Variants in FCHSD2 observed in about 807,000 individuals in gnomAD.
The protein encoded by FCHSD2 is F-BAR and double SH3 domains protein 2.
Under a neutral mutation model 108.1 loss-of-function variants are expected in FCHSD2, and 38 were observed. The ratio of observed to expected loss-of-function variants is 0.35; its 90% CI spans 0.27 to 0.46. The LOEUF (loss-of-function observed/expected upper bound fraction) is 0.46. Among genes scored for constraint, FCHSD2 ranks in the 20% least tolerant of loss-of-function variants. The pLI, the probability that FCHSD2 is intolerant of heterozygous loss-of-function variation, is 1.00. For synonymous variants in FCHSD2, 279 were observed against 314.7 expected (o/e 0.89, Z 1.20); for missense variants, 751 against 897.8 (o/e 0.84, Z 2.09).
Position 72,867,866 on chromosome 11 carries a change from G to A in FCHSD2, c.1307C>T (p.Ser436Leu), listed in dbSNP as rs140557765. Reference sequence around the variant, plus strand: ...CATATCCAAGAAAAGAAATCGTACCGAGTGTAAAGTGCCATTACTGGTCAC... The same window carrying A: ...CATATCCAAGAAAAGAAATCGTACCAAGTGTAAAGTGCCATTACTGGTCAC... ...PAVTSNGTLH[S>L]LNADTEREEG... The change falls in exon 13 of 20, where the codon TCG becomes TTG. Residue 436 changes from serine (S) to leucine (L), a missense_variant and splice_region_variant. Physicochemically the swap from Ser to Leu is moderately radical, Grantham distance 145 (BLOSUM62 -2). Coordinates refer to ENST00000409418, the MANE Select transcript of FCHSD2 (RefSeq NM_014824.3). The A allele has an allele frequency of 6.3e-5, 102 of 1,610,900 alleles. No individual in the cohort carries two copies. The highest frequency in any genetic ancestry group is 5.7e-4 in the African/African-American group (43 of 74,986).
At chr11:72,942,624 A>T (rs1286166473) in intron 8 of FCHSD2, among the ~76,000 whole-genome samples, 1 of 152,220 alleles carries the variant, frequency 6.6e-6, no homozygotes, top group African/African-American at 2.4e-5. Flanking sequence ...TGTACTTTTC[A>T]AATTTTCTTC....
chr11:72,881,746 G>A (rs1471229046), intron 12 of FCHSD2, among the ~76,000 whole-genome samples: 1 of 152,188 alleles, frequency 6.6e-6, no homozygotes, highest in Non-Finnish European at 1.5e-5. Context: ...AATGGAACTG[G>A]AGGTCATTAT....
chr11:73,119,293 ACT>A (rs1306231669), intron 2 of FCHSD2, among the ~76,000 whole-genome samples: 2 of 149,856 alleles, frequency 1.3e-5, no homozygotes, highest in African/African-American at 5.0e-5. Context: ...ACAGAGCGAG[ACT>A]CTGCCTCAAA....
chr11:72,943,179 A>C (rs1461016195), intron 8 of FCHSD2, among the ~76,000 whole-genome samples: 3 of 151,638 alleles, frequency 2.0e-5, no homozygotes, highest in African/African-American at 4.8e-5. Flanking sequence ...TTTTATTAGA[A>C]ATGGGGTTTC....
chr11:73,089,152 T>A (rs1859894220), intron 2 of FCHSD2, among the ~76,000 whole-genome samples: 2 of 152,218 alleles, frequency 1.3e-5, no homozygotes, highest in African/African-American at 4.8e-5. Flanking sequence ...ATCATATATA[T>A]ATCAAGAGAG....
chr11:73,064,348 T>C (rs1255049500), intron 3 of FCHSD2, among the ~76,000 whole-genome samples: 1 of 152,078 alleles, frequency 6.6e-6, no homozygotes, highest in Non-Finnish European at 1.5e-5. Flanking sequence ...AGATCTAAAA[T>C]TGATACCCTA....
intron 8 of FCHSD2, among the ~76,000 whole-genome samples, chr11:72,978,873 T>TTTTA: frequency 1.3e-5 from 2 of 149,506 alleles, no homozygotes; most frequent in African/African-American, 2.5e-5. Context: ...TTTTTTTTTT[T>TTTTA]TGAGATGAAG....
intron 3 of FCHSD2, among the ~76,000 whole-genome samples, chr11:73,018,497 C>T (rs1414800559): frequency 6.6e-6 from 1 of 151,490 alleles, no homozygotes; most frequent in East Asian, 1.9e-4. Flanking sequence ...TCTATAAGCT[C>T]CATCAGGTAC....
intron 3 of FCHSD2, among the ~76,000 whole-genome samples, chr11:73,048,843 T>C (rs1858826944): frequency 6.6e-6 from 1 of 152,172 alleles, no homozygotes; most frequent in African/African-American, 2.4e-5. Flanking sequence ...CAATCTACCA[T>C]AAACTCTAAG....
intron 8 of FCHSD2, among the ~76,000 whole-genome samples, chr11:72,956,895 G>A (rs1379583946): frequency 6.6e-6 from 1 of 151,682 alleles, no homozygotes; most frequent in Non-Finnish European, 1.5e-5. Flanking sequence ...CACCAGGGGT[G>A]AGACAGTTTG....
intron 8 of FCHSD2, among the ~76,000 whole-genome samples, chr11:72,952,517 GT>G (rs1856638427): frequency 6.6e-6 from 1 of 151,956 alleles, no homozygotes; most frequent in South Asian, 2.1e-4. Context: ...TAGAGACAAG[GT>G]TTCACCATGT....
At chr11:72,927,701 GCA>G (rs1856103648) in intron 8 of FCHSD2, among the ~76,000 whole-genome samples, 1 of 152,156 alleles carries the variant, frequency 6.6e-6, no homozygotes, top group African/African-American at 2.4e-5. Context: ...CTACTGAACT[GCA>G]CAGTTACTTT....
At chr11:72,879,735 A>G (rs1468386204) in intron 12 of FCHSD2, among the ~76,000 whole-genome samples, 1 of 152,252 alleles carries the variant, frequency 6.6e-6, no homozygotes, top group African/African-American at 2.4e-5. Flanking sequence ...AAATAAGGCC[A>G]GATAAAAATG....
At chr11:72,985,946 T>C (rs1857302478) in intron 6 of FCHSD2, among the ~76,000 whole-genome samples, 1 of 152,098 alleles carries the variant, frequency 6.6e-6, no homozygotes, top group African/African-American at 2.4e-5. Context: ...GTGATTTCCA[T>C]GAGAGAATTC....
chr11:73,020,235 T>C lies in FCHSD2; in HGVS notation c.166-4350A>G, dbSNP rs560857746. Reference sequence around the variant, plus strand: ...TGAAGAAACACAAAGAGAGCCACTGTTGAGTAGACACTAGGAAATGGACTG... The same window carrying C: ...TGAAGAAACACAAAGAGAGCCACTGCTGAGTAGACACTAGGAAATGGACTG... On this transcript the variant is annotated intron_variant, in intron 3 of 19. Coordinates refer to ENST00000409418, the MANE Select transcript of FCHSD2 (RefSeq NM_014824.3). Among the ~76,000 whole-genome samples, 1,387 of 152,318 alleles carry C rather than the reference T, an allele frequency of 9.1e-3. 10 individuals carry two copies. The highest frequency in any genetic ancestry group is 0.015 in the Non-Finnish European group (1,010 of 68,024).
intron 13 of FCHSD2, among the ~76,000 whole-genome samples, chr11:72,858,002 C>G (rs1861470171): frequency 6.6e-6 from 1 of 152,200 alleles, no homozygotes; most frequent in Admixed American, 6.5e-5. Flanking sequence ...AAGACAGTTA[C>G]TTCTTCACAG....
chr11:72,921,540 GA>G (rs1248433931), intron 9 of FCHSD2, among the ~76,000 whole-genome samples: 3 of 152,184 alleles, frequency 2.0e-5, no homozygotes, highest in African/African-American at 7.2e-5. Flanking sequence ...ACTCTGAGTA[GA>G]ATACAAAACT....
At chr11:73,035,999 G>A (rs961715746) in intron 3 of FCHSD2, among the ~76,000 whole-genome samples, 3 of 152,106 alleles carry the variant, frequency 2.0e-5, no homozygotes, top group South Asian at 2.1e-4. Context: ...GATTACAAGC[G>A]TGAGCCACCA....
intron 8 of FCHSD2, among the ~76,000 whole-genome samples, chr11:72,956,205 T>A (rs562009294): frequency 6.6e-6 from 1 of 152,132 alleles, no homozygotes; most frequent in South Asian, 2.1e-4. Flanking sequence ...GACATAATGA[T>A]ATAAATAAAT....
Sources: gnomAD v4.1 joint callset for allele counts (sites outside exome capture counted in the v4.1 genomes callset) on GRCh38, gnomAD v4.1.1 for gene constraint, MANE v1.5 for transcripts, NCBI Gene and HGNC (gene_info 2026-07-23, HGNC 2026-07-21) for gene names.